Variants in LSAMP observed in about 807,000 individuals in gnomAD.
The protein encoded by LSAMP is limbic system-associated membrane protein.
LSAMP carries 7 observed loss-of-function variants against 38.6 expected under a neutral mutation model. That is an observed-to-expected ratio of 0.18 (90% confidence interval 0.10 to 0.34). LSAMP has a LOEUF of 0.34. Ranked by LOEUF, LSAMP falls within the 10% of genes least tolerant of loss-of-function variation. The probability of loss-of-function intolerance (pLI) is 1.00; values close to 1 mark genes in which losing one functional copy is unlikely to be tolerated. For missense variants in LSAMP, 313 were observed against 420.0 expected (o/e 0.75, Z 2.23); for synonymous variants, 154 against 166.8 (o/e 0.92, Z 0.59).
chr3:115,892,096 A>C (rs922696856), intron 3 of LSAMP, among the ~76,000 whole-genome samples: 3 of 151,988 alleles, frequency 2.0e-5, no homozygotes, highest in Non-Finnish European at 4.4e-5. Flanking sequence ...TAAAATGTAT[A>C]AAGTCAGAAG....
chr3:116,352,678 G>T (rs191253582), intron 1 of LSAMP, among the ~76,000 whole-genome samples: 12 of 152,136 alleles, frequency 7.9e-5, no homozygotes, highest in Admixed American at 1.3e-4. Flanking sequence ...AAGTTATCTC[G>T]TTAATCTTAA....
chr3:116,164,601 AATATATATATATATATATATAATCCAAAT>A (rs1709987658), intron 1 of LSAMP, among the ~76,000 whole-genome samples: 8 of 107,332 alleles, frequency 7.5e-5, no homozygotes, highest in Admixed American at 5.9e-4. Context: ...ATATAATCCA[AATATATATATATATATATATAATCCAAAT>A]ATATATATAT....
intron 3 of LSAMP, among the ~76,000 whole-genome samples, chr3:115,911,571 C>T (rs1379899517): frequency 2.6e-5 from 4 of 151,986 alleles, no homozygotes; most frequent in East Asian, 1.9e-4. Context: ...CTCAAACTCC[C>T]AGGCTTAAGT....
intron 3 of LSAMP, among the ~76,000 whole-genome samples, chr3:115,911,498 C>T (rs959473972): frequency 6.6e-6 from 1 of 152,090 alleles, no homozygotes; most frequent in Non-Finnish European, 1.5e-5. Context: ...ACTACAGGTG[C>T]CTGCCACCAC....
intron 1 of LSAMP, among the ~76,000 whole-genome samples, chr3:116,270,180 A>C (rs73143014): frequency 0.14 from 21,125 of 152,120 alleles, 1,656 homozygotes; most frequent in Admixed American, 0.21. Context: ...AACATGTCCT[A>C]ATAAGTATGT....
chr3:115,884,328 T>C (rs1936396693), intron 3 of LSAMP, among the ~76,000 whole-genome samples: 1 of 151,994 alleles, frequency 6.6e-6, no homozygotes, highest in Non-Finnish European at 1.5e-5. Flanking sequence ...AGCAATATTA[T>C]CTCGAGAAGA....
chr3:116,059,836 T>G (rs1299808340), intron 2 of LSAMP, among the ~76,000 whole-genome samples: 3 of 152,218 alleles, frequency 2.0e-5, no homozygotes, highest in Non-Finnish European at 2.9e-5. Flanking sequence ...AGTGCTTGTC[T>G]GAGTCACCAG....
intron 1 of LSAMP, among the ~76,000 whole-genome samples, chr3:116,172,493 A>G (rs1343183830): frequency 6.6e-6 from 1 of 152,052 alleles, no homozygotes; most frequent in Non-Finnish European, 1.5e-5. Context: ...CCAACAACTA[A>G]TATTTTTTGC....
chr3:116,422,475 GAA>G (rs1559862709), intron 1 of LSAMP, among the ~76,000 whole-genome samples: 1 of 152,224 alleles, frequency 6.6e-6, no homozygotes, highest in East Asian at 1.9e-4. Flanking sequence ...CCATTTTATA[GAA>G]GAGACTTGAT....
intron 1 of LSAMP, among the ~76,000 whole-genome samples, chr3:116,284,692 G>A (rs2047171365): frequency 6.6e-6 from 1 of 152,180 alleles, no homozygotes; most frequent in Non-Finnish European, 1.5e-5. Context: ...TCATCCTGCT[G>A]TATATAAGAC....
chr3:116,074,482 G>A (rs1345970312), intron 2 of LSAMP, among the ~76,000 whole-genome samples: 5 of 152,022 alleles, frequency 3.3e-5, no homozygotes, highest in African/African-American at 4.8e-5. Context: ...TTGTATTTCA[G>A]ATTGTTTTAT....
At chr3:115,984,151 G>A (rs2107632044) in intron 3 of LSAMP, among the ~76,000 whole-genome samples, 1 of 152,160 alleles carries the variant, frequency 6.6e-6, no homozygotes, top group South Asian at 2.1e-4. Flanking sequence ...GGTATGGGGA[G>A]CAAATAAATA....
chr3:116,009,654 G>A (rs969249848), intron 3 of LSAMP, among the ~76,000 whole-genome samples: 2 of 152,064 alleles, frequency 1.3e-5, no homozygotes, highest in African/African-American at 2.4e-5. Flanking sequence ...TGCTACAGGT[G>A]GCCACCACCA....
chr3:115,821,480 C>T (rs1934237163), intron 6 of LSAMP, among the ~76,000 whole-genome samples: 1 of 152,136 alleles, frequency 6.6e-6, no homozygotes, highest in South Asian at 2.1e-4. Flanking sequence ...CACAGTTGTT[C>T]TAATTCTAGG....
chr3:115,815,285 A>C, intron 6 of LSAMP, among the ~76,000 whole-genome samples: 1 of 152,190 alleles, frequency 6.6e-6, no homozygotes. Context: ...ATATGAAAAA[A>C]TATAGCGTAT....
At chr3:115,980,178 A>T (rs1939315864) in intron 3 of LSAMP, among the ~76,000 whole-genome samples, 2 of 152,142 alleles carry the variant, frequency 1.3e-5, no homozygotes, top group African/African-American at 4.8e-5. Context: ...TATTCTTTCA[A>T]GTTTTCAGAC....
intron 1 of LSAMP, among the ~76,000 whole-genome samples, chr3:116,206,488 G>T (rs2046071684): frequency 1.6e-5 from 2 of 123,452 alleles, no homozygotes; most frequent in African/African-American, 5.5e-5. Context: ...TCTTTTAATT[G>T]TGATGTTAGG....
intron 1 of LSAMP, among the ~76,000 whole-genome samples, chr3:116,373,600 T>C (rs1327805412): frequency 6.6e-6 from 1 of 151,872 alleles, no homozygotes; most frequent in East Asian, 1.9e-4. Flanking sequence ...CATATTATCA[T>C]AATTTTTTAA....
At chr3:116,134,081 CG>C (rs1360109344) in intron 1 of LSAMP, among the ~76,000 whole-genome samples, 1 of 152,020 alleles carries the variant, frequency 6.6e-6, no homozygotes, top group African/African-American at 2.4e-5. Flanking sequence ...GAATAAAAGA[CG>C]GGGTCTCATT....
Sources: allele counts gnomAD v4.1 joint callset (sites outside exome capture counted in the v4.1 genomes callset), GRCh38; gene constraint gnomAD v4.1.1; transcripts MANE v1.5; gene names NCBI Gene and HGNC (gene_info 2026-07-23, HGNC 2026-07-21).